TSGA10: variants seen among roughly 807,000 people sequenced by gnomAD.
TSGA10 encodes testis-specific gene 10 protein.
Under a neutral mutation model 96.6 loss-of-function variants are expected in TSGA10, and 43 were observed. The observed-to-expected ratio is 0.44, with a 90% confidence interval of 0.35 to 0.57. The LOEUF is 0.57. TSGA10 is among the 20% of genes least tolerant of loss of function. The probability of loss-of-function intolerance (pLI) is 0.01; values close to 1 mark genes in which losing one functional copy is unlikely to be tolerated. For synonymous variants in TSGA10, 229 were observed against 269.9 expected (o/e 0.85, Z 1.48); for missense variants, 703 against 834.4 (o/e 0.84, Z 1.94).
At chr2:99,058,818 A>G (rs2084295364) in intron 16 of TSGA10, among the ~76,000 whole-genome samples, 1 of 151,690 alleles carries the variant, frequency 6.6e-6, no homozygotes. Flanking sequence ...TGGGTGAATT[A>G]TGAGGTCAGG....
chr2:99,131,271 C>T lies in TSGA10; in HGVS notation c.-620-4095G>A, dbSNP rs567071240. Reference sequence around the variant, plus strand: ...TGATCCATGAGCATGGAATGTTTTTCCATTTGTTTGTGTCCTCTCTTATTT... The same window carrying T: ...TGATCCATGAGCATGGAATGTTTTTTCATTTGTTTGTGTCCTCTCTTATTT... On this transcript the variant is annotated intron_variant, in intron 1 of 20. Coordinates refer to ENST00000393483, the MANE Select transcript of TSGA10 (RefSeq NM_025244.4). Among the ~76,000 whole-genome samples the T allele has an allele frequency of 1.2e-3, 182 of 152,260 alleles. 1 individual carries two copies. Among genetic ancestry groups the T allele is most frequent in the African/African-American group, 4.1e-3 (172 of 41,546 alleles).
chr2:99,022,898 G>C (rs767508473), intron 17 of TSGA10, among the ~76,000 whole-genome samples: 1 of 152,062 alleles, frequency 6.6e-6, no homozygotes, highest in Non-Finnish European at 1.5e-5. Flanking sequence ...AAATAGTATG[G>C]TTTTGATTTG....
At chr2:99,023,537 G>T (rs543590782) in intron 17 of TSGA10, among the ~76,000 whole-genome samples, 50 of 152,110 alleles carry the variant, frequency 3.3e-4, no homozygotes, top group African/African-American at 1.1e-3. Flanking sequence ...TACAGTTTTG[G>T]CTGTTACATA....
intron 16 of TSGA10, among the ~76,000 whole-genome samples, chr2:99,046,903 C>T (rs926507211): frequency 1.3e-5 from 2 of 151,902 alleles, no homozygotes; most frequent in Non-Finnish European, 2.9e-5. Flanking sequence ...CACCACTGAT[C>T]CCATAGAGAT....
chr2:99,146,032 A>G (rs2093628434), intron 1 of TSGA10, among the ~76,000 whole-genome samples: 1 of 152,104 alleles, frequency 6.6e-6, no homozygotes, highest in South Asian at 2.1e-4. Flanking sequence ...GCTGTAATCC[A>G]AGCACTTTAG....
At chr2:99,114,283 T>C (rs796249560) in intron 4 of TSGA10, among the ~76,000 whole-genome samples, 7 of 152,286 alleles carry the variant, frequency 4.6e-5, no homozygotes, top group African/African-American at 1.7e-4. Flanking sequence ...AATATAAACC[T>C]AAAATGCATA....
chr2:99,037,555 A>T (rs1443420702), intron 16 of TSGA10, among the ~76,000 whole-genome samples: 2 of 152,160 alleles, frequency 1.3e-5, no homozygotes, highest in Non-Finnish European at 2.9e-5. Context: ...GAATATCTAA[A>T]ATCAATAACC....
At position 99,121,673 on chromosome 2, in the gene TSGA10, T is replaced by C. The variant is rs1004097269; in HGVS notation, c.-491-2987A>G. Among the ~76,000 whole-genome samples, 7 of 152,154 alleles carry C rather than the reference T, an allele frequency of 4.6e-5. No homozygotes were observed. The East Asian group carries it at 1.2e-3, about 25-fold the overall frequency. On this transcript the variant is annotated intron_variant, in intron 2 of 20. Coordinates refer to ENST00000393483, the MANE Select transcript of TSGA10 (RefSeq NM_025244.4). Reference sequence around the variant, plus strand: ...TTTTAGTAGAGATGGGGTTTTGCCATGTTGGCCAGGCCGGTCTTGAACTCC... The same window carrying C: ...TTTTAGTAGAGATGGGGTTTTGCCACGTTGGCCAGGCCGGTCTTGAACTCC...
chr2:99,071,618 C>T, intron 14 of TSGA10, 88 bp downstream of exon 14: 4 of 1,284,572 alleles, frequency 3.1e-6, no homozygotes, highest in South Asian at 3.0e-5. Context: ...AGTGTCTGAG[C>T]TCTTCTATAA....
rs1559158704 is a variant in TSGA10 at position 99,150,700 on chromosome 2, A to G, written c.-621+3993T>C. 3 of 1,614,100 alleles carry G rather than the reference A, an allele frequency of 1.9e-6. No homozygotes were observed. The South Asian group carries it at 3.3e-5, about 18-fold the overall frequency. ...GTTATTTCAAAACACCAAGAAAATA[A>G]GATTAGAAGACACAAATCAAGAAAA... is the stretch of plus-strand genomic sequence containing the variant. On this transcript the variant is annotated intron_variant, in intron 1 of 20. Transcript: ENST00000393483.
intron 1 of TSGA10, among the ~76,000 whole-genome samples, chr2:99,140,640 T>C (rs1354564255): frequency 6.6e-6 from 1 of 152,176 alleles, no homozygotes; most frequent in African/African-American, 2.4e-5. Context: ...ATCTGAGATT[T>C]TCATGCAAAT....
chr2:99,127,063 C>T lies in TSGA10; in HGVS notation c.-507G>A, dbSNP rs1422911258. 19 of 1,289,050 alleles carry T rather than the reference C, an allele frequency of 1.5e-5. No individual in the cohort carries two copies. The highest frequency in any genetic ancestry group is 4.6e-5 in the African/African-American group (3 of 65,832). 79.9% of individuals were successfully genotyped at this position (1,289,050 alleles called of 1,614,324 possible). A position where few individuals can be genotyped will look rare whatever the true frequency, so the allele number is the denominator to read the frequency against. The stretch of plus-strand genomic sequence containing the variant: ...TAAACGCAACCTGTAATTTCAGTGT[C>T]GAGATGAATCTATCTTGGTTTCTCA... On this transcript the variant is annotated 5_prime_UTR_variant, in exon 2 of 21. Transcript: ENST00000393483.
chr2:99,141,133 A>G, intron 1 of TSGA10: 2 of 1,277,356 alleles, frequency 1.6e-6, no homozygotes, highest in Non-Finnish European at 2.0e-6. Flanking sequence ...TCCTGCCCAG[A>G]GCTCATCCCC....
At chr2:99,053,832 A>G (rs1301300156) in intron 16 of TSGA10, among the ~76,000 whole-genome samples, 3 of 152,166 alleles carry the variant, frequency 2.0e-5, no homozygotes, top group Non-Finnish European at 4.4e-5. Flanking sequence ...AAGAAAAAAG[A>G]TGCTATATGT....
At chr2:99,144,211 CG>C (rs1253213368) in intron 1 of TSGA10, among the ~76,000 whole-genome samples, 1 of 151,752 alleles carries the variant, frequency 6.6e-6, no homozygotes, top group Non-Finnish European at 1.5e-5. Flanking sequence ...TTAGTAGAGA[CG>C]GGGTTTCACT....
intron 17 of TSGA10, among the ~76,000 whole-genome samples, chr2:99,031,855 A>C (rs1185902937): frequency 6.6e-6 from 1 of 152,130 alleles, no homozygotes. Flanking sequence ...TCAGTTGTGC[A>C]CTCTTTAAAG....
chr2:99,074,000 CTTTTTTTTTTTTTT>C (rs1167854716), intron 12 of TSGA10, among the ~76,000 whole-genome samples: 2 of 52,608 alleles, frequency 3.8e-5, no homozygotes, highest in Non-Finnish European at 7.4e-5. Flanking sequence ...TGTTTCTTTT[CTTTTTTTTTTTTTT>C]TTTTTTTTTT....
At chr2:99,139,729 AAAG>A (rs1471887924) in intron 1 of TSGA10, among the ~76,000 whole-genome samples, 6 of 152,238 alleles carry the variant, frequency 3.9e-5, no homozygotes, top group Admixed American at 2.0e-4. Flanking sequence ...AATGTTGAGT[AAAG>A]AAGCAAGATG....
chr2:99,127,725 C>T (rs2105000089), intron 1 of TSGA10, among the ~76,000 whole-genome samples: 1 of 152,202 alleles, frequency 6.6e-6, no homozygotes, highest in South Asian at 2.1e-4. Flanking sequence ...TGAGATACCC[C>T]CTTTTAACCA....
Sources: allele counts gnomAD v4.1 joint callset (sites outside exome capture counted in the v4.1 genomes callset), GRCh38; gene constraint gnomAD v4.1.1; transcripts MANE v1.5; gene names NCBI Gene and HGNC (gene_info 2026-07-23, HGNC 2026-07-21).